FER: variants seen among roughly 807,000 people sequenced by gnomAD.
FER encodes the protein FER tyrosine kinase, also known as tyrosine-protein kinase Fer.
A neutral mutation model predicts 111.0 loss-of-function variants in FER; 63 were observed. That is an observed-to-expected ratio of 0.57 (90% confidence interval 0.46 to 0.70). FER has a LOEUF of 0.70. FER is among the 30% of genes least tolerant of loss of function. The pLI is 0.00. For synonymous variants in FER, 327 were observed against 313.9 expected (o/e 1.04, Z -0.44); for missense variants, 914 against 954.0 (o/e 0.96, Z 0.55).
chr5:108,964,272 T>C (rs1759516144), intron 13 of FER, among the ~76,000 whole-genome samples: 1 of 152,142 alleles, frequency 6.6e-6, no homozygotes, highest in Admixed American at 6.6e-5. Context: ...TGTGTGTGTA[T>C]GTGCATAGAG....
At chr5:109,047,385 G>A (rs572183600) in intron 16 of FER, among the ~76,000 whole-genome samples, 187 bp downstream of exon 16, 28 of 152,146 alleles carry the variant, frequency 1.8e-4, no homozygotes, top group African/African-American at 6.3e-4. Flanking sequence ...CTATTTTCTA[G>A]AAAATGTCAA....
intron 2 of FER, among the ~76,000 whole-genome samples, chr5:108,780,060 A>T (rs1209951234): frequency 2.0e-5 from 3 of 152,240 alleles, no homozygotes; most frequent in African/African-American, 4.8e-5. Context: ...TGAGAGTGAG[A>T]AAAACACATA....
chr5:108,900,943 T>C (rs939679891), intron 10 of FER, among the ~76,000 whole-genome samples: 1 of 152,180 alleles, frequency 6.6e-6, no homozygotes, highest in Non-Finnish European at 1.5e-5. Flanking sequence ...CATGTGGAAA[T>C]TTAATTGCCA....
chr5:108,939,372 A>G (rs1237657373), intron 10 of FER, among the ~76,000 whole-genome samples: 1 of 152,096 alleles, frequency 6.6e-6, no homozygotes, highest in Non-Finnish European at 1.5e-5. Flanking sequence ...TTGATATTCC[A>G]GGAAAGCCTA....
At chr5:108,868,362 C>T (rs1238037606) in intron 6 of FER, among the ~76,000 whole-genome samples, 1 of 151,610 alleles carries the variant, frequency 6.6e-6, no homozygotes, top group Non-Finnish European at 1.5e-5. Flanking sequence ...TTAAAATCAA[C>T]AAATGTTTAT....
At chr5:108,806,324 G>T (rs140058463) in intron 3 of FER, among the ~76,000 whole-genome samples, 3 of 152,346 alleles carry the variant, frequency 2.0e-5, no homozygotes, top group Admixed American at 6.5e-5. Context: ...CAGGGGTGGG[G>T]CTCTCCTGGA....
chr5:108,849,338 T>A (rs1244119569), intron 5 of FER, among the ~76,000 whole-genome samples: 1 of 152,170 alleles, frequency 6.6e-6, no homozygotes, highest in Non-Finnish European at 1.5e-5. Context: ...CTGATAATTT[T>A]TTTCCCCTTG....
In FER at chr5:108,897,818, TGAA is replaced by T. The variant is rs1157273943; in HGVS notation, c.1212_1214del (p.Glu404del). 3 of 1,612,260 alleles carry T rather than the reference TGAA, an allele frequency of 1.9e-6. No individual in the cohort carries two copies. The highest frequency in any genetic ancestry group is 3.3e-5 in the Admixed American group (2 of 59,706). ...AAGAGCCACCTCCAGTAGTAAATTA[TGAA>T]GAAGATGCACGATCAGTTACATCTA... On this transcript the variant is annotated inframe_deletion, in exon 10 of 20. Coordinates refer to ENST00000281092, the MANE Select transcript of FER (RefSeq NM_005246.4).
chr5:108,839,822 C>T (rs1761078156), intron 5 of FER, among the ~76,000 whole-genome samples: 1 of 151,992 alleles, frequency 6.6e-6, no homozygotes. Flanking sequence ...CGTGATCCGC[C>T]TGCCTTCGCC....
intron 5 of FER, among the ~76,000 whole-genome samples, chr5:108,848,354 A>C (rs142133217): frequency 6.6e-6 from 1 of 151,958 alleles, no homozygotes; most frequent in Non-Finnish European, 1.5e-5. Context: ...TTAATCTGTC[A>C]TTTTGCAGTT....
intron 14 of FER, among the ~76,000 whole-genome samples, chr5:109,043,545 A>T (rs901044237): frequency 3.3e-5 from 5 of 152,194 alleles, no homozygotes. Flanking sequence ...GCCGTAGTTC[A>T]AGGTACAAAT....
intron 1 of FER, among the ~76,000 whole-genome samples, chr5:108,761,486 GTTCT>G (rs1751745443): frequency 6.6e-6 from 1 of 152,158 alleles, no homozygotes; most frequent in African/African-American, 2.4e-5. Flanking sequence ...TATGAGTGTG[GTTCT>G]TGGTGCCCCA....
intron 17 of FER, among the ~76,000 whole-genome samples, chr5:109,124,218 C>G (rs6895203): frequency 1.3e-5 from 2 of 152,150 alleles, no homozygotes; most frequent in African/African-American, 4.8e-5. Flanking sequence ...CAGAGCAAGA[C>G]CCTGTCTCAA....
chr5:108,783,255 T>C (rs1754303163), intron 2 of FER, among the ~76,000 whole-genome samples: 1 of 152,212 alleles, frequency 6.6e-6, no homozygotes, highest in Non-Finnish European at 1.5e-5. Flanking sequence ...TGAGCCTATC[T>C]AGCTTGTCTT....
At chr5:108,849,034 T>A (rs1762297502) in intron 5 of FER, among the ~76,000 whole-genome samples, 2 of 152,104 alleles carry the variant, frequency 1.3e-5, no homozygotes, top group Admixed American at 6.5e-5. Flanking sequence ...TCTTAGTTGC[T>A]CTGAACATTT....
intron 10 of FER, among the ~76,000 whole-genome samples, chr5:108,926,329 T>G (rs540494526): frequency 3.3e-5 from 5 of 152,158 alleles, no homozygotes; most frequent in African/African-American, 1.2e-4. Context: ...CTCTTAAATT[T>G]TATTAACTTT....
chr5:108,833,942 C>T (rs1000229663), intron 4 of FER, among the ~76,000 whole-genome samples: 6 of 151,122 alleles, frequency 4.0e-5, no homozygotes, highest in South Asian at 2.1e-4. Flanking sequence ...TTCATGTTAT[C>T]GAATACTTTT....
At chr5:108,766,113 G>T (rs994234714) in intron 1 of FER, among the ~76,000 whole-genome samples, 1 of 151,946 alleles carries the variant, frequency 6.6e-6, no homozygotes, top group African/African-American at 2.4e-5. Flanking sequence ...TAATTTTTTT[G>T]TAGAGACGGG....
chr5:108,761,199 A>AT (rs1751707505), intron 1 of FER, among the ~76,000 whole-genome samples: 1 of 152,136 alleles, frequency 6.6e-6, no homozygotes, highest in South Asian at 2.1e-4. Context: ...AAGTGCTGGG[A>AT]TTACAGGTGT....
Sources: gnomAD v4.1 joint callset for allele counts (sites outside exome capture counted in the v4.1 genomes callset) on GRCh38, gnomAD v4.1.1 for gene constraint, MANE v1.5 for transcripts, NCBI Gene and HGNC (gene_info 2026-07-23, HGNC 2026-07-21) for gene names.